Variants in KIAA0586 observed in about 807,000 individuals in gnomAD.
KIAA0586 encodes the protein protein TALPID3.
KIAA0586 carries 144 observed loss-of-function variants against 169.8 expected under a neutral mutation model. The observed-to-expected ratio is 0.85, with a 90% CI of 0.74 to 0.97. The LOEUF is 0.97. KIAA0586 is among the 50% of genes least tolerant of loss of function. The pLI is 0.00. For synonymous variants in KIAA0586, 625 were observed against 612.4 expected, an observed-to-expected ratio of 1.02 and a Z score of -0.30; for missense variants, 1,854 against 1,823.0, an observed-to-expected ratio of 1.02 and a Z score of -0.31.
intron 4 of KIAA0586, among the ~76,000 whole-genome samples, chr14:58,434,230 T>C (rs1007145206): frequency 5.3e-5 from 8 of 152,092 alleles, no homozygotes; most frequent in Non-Finnish European, 1.2e-4. Context: ...ATGATAGACT[T>C]AGAAGGTATT....
At chr14:58,468,943 C>T (rs1372749794) in intron 16 of KIAA0586, among the ~76,000 whole-genome samples, 1 of 152,198 alleles carries the variant, frequency 6.6e-6, no homozygotes, top group Non-Finnish European at 1.5e-5. Context: ...AGAGAGAAGA[C>T]TTGCCTCATT....
Position 58,450,605 on chromosome 14 carries a change from A to C in KIAA0586, c.988A>C (p.Ser330Arg), listed in dbSNP as rs1231204639. Reference sequence around the variant, plus strand: ...ACCTTTAAAAGAAGTTGAAGATACGAGTTTTGATAAACAGAAATCTCCTTT... The same window carrying C: ...ACCTTTAAAAGAAGTTGAAGATACGCGTTTTGATAAACAGAAATCTCCTTT... ...QAPLKEVEDT[S>R]FDKQKSPLET... Residue 330 changes from serine to arginine, a missense_variant, in exon 8 of 31, where the codon AGT becomes CGT. Coordinates refer to ENST00000652326, the MANE Select transcript of KIAA0586 (RefSeq NM_001329943.3). 6.2e-7 allele frequency: 1 copy of C among 1,608,738 alleles called. No homozygotes were observed. Among genetic ancestry groups the C allele is most frequent in the Non-Finnish European group, 8.5e-7 (1 of 1,178,228 alleles).
chr14:58,483,261 C>G (rs2042160597), intron 21 of KIAA0586, among the ~76,000 whole-genome samples: 1 of 152,062 alleles, frequency 6.6e-6, no homozygotes, highest in Admixed American at 6.5e-5. Flanking sequence ...GCAGTTCAAA[C>G]CTATGTTTTT....
At chr14:58,460,541 G>A (rs1185347243) in intron 13 of KIAA0586, among the ~76,000 whole-genome samples, 1 of 152,054 alleles carries the variant, frequency 6.6e-6, no homozygotes, top group Non-Finnish European at 1.5e-5. Flanking sequence ...ATGGATTGTT[G>A]AGCAGATCAG....
chr14:58,458,613 G>A, intron 12 of KIAA0586, 68 bp downstream of exon 12: 3 of 791,458 alleles, frequency 3.8e-6, no homozygotes, highest in Non-Finnish European at 5.9e-6. Flanking sequence ...CAATTTACAG[G>A]CATTACATTT....
intron 30 of KIAA0586, among the ~76,000 whole-genome samples, chr14:58,543,049 G>A (rs1023209804): frequency 2.0e-5 from 3 of 150,272 alleles, no homozygotes; most frequent in South Asian, 2.1e-4. Context: ...GGAGAATGGC[G>A]TGAACTCAGG....
chr14:58,492,291 A>G lies in KIAA0586; in HGVS notation c.3990+16A>G. The G allele has an allele frequency of 6.5e-7, 1 of 1,533,696 alleles. No individual in the cohort carries two copies. The highest frequency in any genetic ancestry group is 1.7e-4 in the Middle Eastern group (1 of 5,882). On this transcript the variant is annotated intron_variant, in intron 26 of 30. Transcript: ENST00000652326. ...TCATTCAGAGGTACTTTTTAACTTT[A>G]ATGACTTTTTTTTGGTTAGATCTAA...
At chr14:58,478,221 G>A (rs892196656) in intron 20 of KIAA0586, among the ~76,000 whole-genome samples, 5 of 152,148 alleles carry the variant, frequency 3.3e-5, no homozygotes, top group African/African-American at 4.8e-5. Context: ...AGTGGCTCAC[G>A]CCTGTAATCG....
At chr14:58,500,721 C>CA (rs34668365) in intron 27 of KIAA0586, among the ~76,000 whole-genome samples, 79,806 of 129,466 alleles carry the variant, frequency 0.62, 23,320 homozygotes, top group Middle Eastern at 0.7. Context: ...GTCTCTGCCT[C>CA]AAAAAAAAAA....
At chr14:58,436,053 C>G (rs1038414787) in intron 4 of KIAA0586, among the ~76,000 whole-genome samples, 1 of 152,074 alleles carries the variant, frequency 6.6e-6, no homozygotes, top group African/African-American at 2.4e-5. Context: ...TATTGGAAAC[C>G]TGCAGTCAAT....
At chr14:58,546,886 A>G (rs973424445) in intron 30 of KIAA0586, among the ~76,000 whole-genome samples, 26 of 152,326 alleles carry the variant, frequency 1.7e-4, no homozygotes, top group African/African-American at 6.3e-4. Flanking sequence ...AGTAGAGAGA[A>G]AAGTCTATTT....
At chr14:58,437,492 C>T (rs1040599568) in intron 4 of KIAA0586, among the ~76,000 whole-genome samples, 1 of 151,860 alleles carries the variant, frequency 6.6e-6, no homozygotes, top group Non-Finnish European at 1.5e-5. Context: ...GGGAGGATGG[C>T]TTGAACCTAG....
At chr14:58,536,919 A>G (rs1431927009) in intron 29 of KIAA0586, 2 of 564,966 alleles carry the variant, frequency 3.5e-6, no homozygotes, top group Middle Eastern at 3.7e-4. Flanking sequence ...TTCCATAGAA[A>G]TGTTAATAGA....
intron 27 of KIAA0586, among the ~76,000 whole-genome samples, chr14:58,504,561 C>T (rs1270716887): frequency 6.6e-6 from 1 of 152,168 alleles, no homozygotes; most frequent in Non-Finnish European, 1.5e-5. Context: ...ACTTAGTCTT[C>T]TCTAAAAGTC....
At chr14:58,472,540 T>G (rs1372356969) in intron 18 of KIAA0586, among the ~76,000 whole-genome samples, 1 of 152,142 alleles carries the variant, frequency 6.6e-6, no homozygotes, top group African/African-American at 2.4e-5. Context: ...GCTTTCTTCT[T>G]TCTTTCCACT....
chr14:58,484,902 A>ATTTATATATATTTTTT lies in KIAA0586; in HGVS notation c.3145-2104_3145-2103insTTATATATATTTTTTT, dbSNP rs1269889812. 8.8e-4 allele frequency among the ~76,000 whole-genome samples: 11 copies of ATTTATATATATTTTTT among 12,472 alleles called. No homozygotes were observed. The South Asian group carries it at 0.011, about 13-fold the overall frequency. 8.2% of individuals were successfully genotyped at this position (12,472 alleles called of 152,430 possible). A position where few individuals can be genotyped will look rare whatever the true frequency, so the allele number is the denominator to read the frequency against. ...ATTATATATATATTTATATATATAT[A>ATTTATATATATTTTTT]TATATATATATATATATATATATTT... On this transcript the variant is annotated intron_variant, in intron 21 of 30. Coordinates refer to ENST00000652326, the MANE Select transcript of KIAA0586 (RefSeq NM_001329943.3).
intron 24 of KIAA0586, 24 bp from the exon 25 acceptor site, chr14:58,490,140 A>G (rs1184761825): frequency 7.2e-6 from 8 of 1,108,190 alleles, no homozygotes; most frequent in Non-Finnish European, 1.0e-5. Flanking sequence ...TTTTTTTTCT[A>G]AACTTTTATA....
rs575364187 is a variant in KIAA0586 at position 58,548,053 on chromosome 14, A to G, written c.*121A>G. 343 of 1,178,922 alleles carry G rather than the reference A, an allele frequency of 2.9e-4. No homozygotes were observed. Among genetic ancestry groups the G allele is most frequent in the Non-Finnish European group, 3.8e-4 (324 of 857,600 alleles). The allele number at this position is 1,178,922 out of a possible 1,614,324, so 73.0% of individuals were successfully genotyped here. On this transcript the variant is annotated 3_prime_UTR_variant, in exon 31 of 31. Transcript: ENST00000652326. The stretch of plus-strand genomic sequence containing the variant: ...CATATTCTGAAAAAAAAATTCCAAT[A>G]TTTTAAAATAAAACAAAAAGCATAA...
chr14:58,497,836 A>C (rs972089747), intron 26 of KIAA0586, among the ~76,000 whole-genome samples: 1 of 151,036 alleles, frequency 6.6e-6, no homozygotes, highest in Non-Finnish European at 1.5e-5. Flanking sequence ...CTGTATGAAC[A>C]ATGTGTAATG....
Sources: gnomAD v4.1 joint callset for allele counts (sites outside exome capture counted in the v4.1 genomes callset) on GRCh38, gnomAD v4.1.1 for gene constraint, MANE v1.5 for transcripts, NCBI Gene and HGNC (gene_info 2026-07-23, HGNC 2026-07-21) for gene names.